The following RAD51B variants were observed in gnomAD, a reference collection of about 807,000 sequenced individuals.
RAD51B encodes DNA repair protein RAD51 homolog 2.
In RAD51B, 38 loss-of-function variants were observed where a neutral mutation model predicts 42.2. The observed-to-expected ratio is 0.90, with a 90% CI of 0.70 to 1.18. The LOEUF is 1.18. RAD51B is among the 50% of genes most tolerant of loss of function. The pLI is 0.00. For missense variants in RAD51B, 373 were observed against 400.7 expected, an observed-to-expected ratio of 0.93 and a Z score of 0.59; for synonymous variants, 154 against 145.2, an observed-to-expected ratio of 1.06 and a Z score of -0.43.
At chr14:68,044,555 T>C (rs1403817456) in intron 7 of RAD51B, among the ~76,000 whole-genome samples, 1 of 152,172 alleles carries the variant, frequency 6.6e-6, no homozygotes, top group Non-Finnish European at 1.5e-5. Flanking sequence ...TTTTTTTAGA[T>C]TTTGGTCAAC....
At chr14:68,313,550 C>G (rs1270773854) in intron 8 of RAD51B, among the ~76,000 whole-genome samples, 1 of 152,208 alleles carries the variant, frequency 6.6e-6, no homozygotes, top group Non-Finnish European at 1.5e-5. Flanking sequence ...GACTCCACTT[C>G]CAGCCCCAGC....
chr14:67,973,959 A>G (rs2074943922), intron 7 of RAD51B, among the ~76,000 whole-genome samples: 1 of 152,128 alleles, frequency 6.6e-6, no homozygotes, highest in Non-Finnish European at 1.5e-5. Flanking sequence ...TACTTTATTC[A>G]GGCATTTATC....
At chr14:68,662,664 G>A (rs1005988522) in intron 11 of RAD51B, among the ~76,000 whole-genome samples, 4 of 152,148 alleles carry the variant, frequency 2.6e-5, no homozygotes, top group Non-Finnish European at 5.9e-5. Context: ...ACCAACTTAG[G>A]AATCCTGTCT....
chr14:68,321,274 A>G (rs2082152929), intron 8 of RAD51B, among the ~76,000 whole-genome samples: 2 of 152,208 alleles, frequency 1.3e-5, no homozygotes, highest in Non-Finnish European at 2.9e-5. Flanking sequence ...GTACTGCAAG[A>G]CTAGGGCAGC....
intron 10 of RAD51B, among the ~76,000 whole-genome samples, chr14:68,573,850 T>C (rs549895179): frequency 6.6e-6 from 1 of 152,306 alleles, no homozygotes; most frequent in South Asian, 2.1e-4. Flanking sequence ...AGCTTCACTT[T>C]GGTGCTCAGT....
chr14:67,847,888 C>G (rs1056595605), intron 4 of RAD51B, among the ~76,000 whole-genome samples: 1 of 58,156 alleles, frequency 1.7e-5, no homozygotes, highest in Admixed American at 1.3e-4. Context: ...GTGTTGAAGC[C>G]CCCCCCCATT....
At chr14:68,159,133 A>G (rs2078580670) in intron 7 of RAD51B, among the ~76,000 whole-genome samples, 2 of 151,966 alleles carry the variant, frequency 1.3e-5, no homozygotes, top group Admixed American at 1.3e-4. Flanking sequence ...AATAGGGGAA[A>G]TTGATGGGGG....
chr14:68,323,777 A>T (rs2082198940), intron 8 of RAD51B, among the ~76,000 whole-genome samples: 1 of 152,230 alleles, frequency 6.6e-6, no homozygotes, highest in Non-Finnish European at 1.5e-5. Flanking sequence ...CCTGAATGAC[A>T]GAGTGAGACT....
intron 10 of RAD51B, among the ~76,000 whole-genome samples, chr14:68,606,750 GAC>G: frequency 6.6e-6 from 1 of 152,306 alleles, no homozygotes; most frequent in Admixed American, 6.5e-5. Context: ...CATTCAAGAT[GAC>G]ACAGTTTGTT....
At chr14:68,264,630 T>A (rs1047734745) in intron 7 of RAD51B, among the ~76,000 whole-genome samples, 8 of 152,188 alleles carry the variant, frequency 5.3e-5, no homozygotes, top group African/African-American at 1.9e-4. Context: ...TACAAATTTG[T>A]TACTATGACT....
chr14:67,899,726 A>G (rs1366456569), intron 7 of RAD51B, among the ~76,000 whole-genome samples: 1 of 152,208 alleles, frequency 6.6e-6, no homozygotes, highest in Non-Finnish European at 1.5e-5. Context: ...ATTGATAACT[A>G]CTTTTTTTGT....
chr14:68,216,295 G>A lies in RAD51B; in HGVS notation c.757-75589G>A, dbSNP rs542411739. Among the ~76,000 whole-genome samples the A allele has an allele frequency of 7.2e-5, 11 of 152,276 alleles. No individual in the cohort carries two copies. The South Asian group carries it at 1.5e-3, about 20-fold the overall frequency. On this transcript the variant is annotated intron_variant, in intron 7 of 10. Coordinates refer to ENST00000471583, the MANE Select transcript of RAD51B (RefSeq NM_133510.4). ...AGATAACACTTGACTCATGCGTTGCGTTTGTTAGAGAGAACAAATGAAAAA... is the reference window on the plus strand; with the variant it reads ...AGATAACACTTGACTCATGCGTTGCATTTGTTAGAGAGAACAAATGAAAAA...
At chr14:68,671,780 G>A (rs76836783) in intron 11 of RAD51B, among the ~76,000 whole-genome samples, 13,441 of 151,688 alleles carry the variant, frequency 0.089, 631 homozygotes, top group Middle Eastern at 0.15. Context: ...TCTGAACACT[G>A]TAGGGCCTTA....
chr14:67,872,494 G>A (rs1391852700), intron 5 of RAD51B, among the ~76,000 whole-genome samples: 13 of 147,020 alleles, frequency 8.8e-5, no homozygotes, highest in East Asian at 4.0e-4. Flanking sequence ...AATCAATATC[G>A]TGAAAATGGC....
At chr14:68,296,204 T>C (rs1418624823) in intron 8 of RAD51B, among the ~76,000 whole-genome samples, 1 of 152,190 alleles carries the variant, frequency 6.6e-6, no homozygotes, top group African/African-American at 2.4e-5. Context: ...TCTTAACTGT[T>C]AGAGCTGGAA....
At chr14:68,612,975 T>C (rs890673152), downstream of RAD51B, among the ~76,000 whole-genome samples, 13 of 151,878 alleles carry the variant, frequency 8.6e-5, no homozygotes, top group African/African-American at 3.1e-4. Flanking sequence ...GAGGTGTGTT[T>C]GTGTGTGTGT....
At chr14:68,465,127 A>T (rs899180807) in intron 9 of RAD51B, among the ~76,000 whole-genome samples, 21 of 152,208 alleles carry the variant, frequency 1.4e-4, no homozygotes, top group African/African-American at 4.3e-4. Flanking sequence ...TAATATTTTT[A>T]AAAATATAGC....
chr14:68,188,690 G>A (rs886402200), intron 7 of RAD51B, among the ~76,000 whole-genome samples: 4 of 152,138 alleles, frequency 2.6e-5, no homozygotes, highest in Non-Finnish European at 5.9e-5. Flanking sequence ...GTTTTGGAAA[G>A]GTGGAATGAG....
intron 7 of RAD51B, among the ~76,000 whole-genome samples, chr14:68,115,452 G>A (rs1390268779): frequency 4.1e-5 from 5 of 122,050 alleles, no homozygotes; most frequent in South Asian, 3.0e-4. Flanking sequence ...GCTAGATGAC[G>A]AGTTAGTGGG....
Sources: allele counts gnomAD v4.1 joint callset (sites outside exome capture counted in the v4.1 genomes callset), GRCh38; gene constraint gnomAD v4.1.1; transcripts MANE v1.5; gene names NCBI Gene and HGNC (gene_info 2026-07-23, HGNC 2026-07-21).